Variants in LONP2 observed in about 807,000 individuals in gnomAD.
LONP2 encodes the protein lon peptidase 2, peroxisomal.
Under a neutral mutation model 85.6 loss-of-function variants are expected in LONP2, and 60 were observed. The ratio of observed to expected loss-of-function variants is 0.70; its 90% CI spans 0.57 to 0.87. The LOEUF (loss-of-function observed/expected upper bound fraction) is 0.87, where lower values mean the gene tolerates loss of function less well. Ranked by LOEUF, LONP2 falls within the 40% of genes least tolerant of loss-of-function variation. The probability of loss-of-function intolerance (pLI) is 0.00; values close to 1 mark genes in which losing one functional copy is unlikely to be tolerated. For synonymous variants in LONP2, 395 were observed against 389.7 expected (o/e 1.01, Z -0.16); for missense variants, 860 against 1,063.5 (o/e 0.81, Z 2.66).
At position 48,354,090 on chromosome 16, in the gene LONP2, G is replaced by C; in HGVS notation, c.*2288G>C. The C allele has an allele frequency of 8.1e-6, 1 of 124,146 alleles. No individual in the cohort carries two copies. Among genetic ancestry groups the C allele is most frequent in the East Asian group, 2.3e-4 (1 of 4,338 alleles). 7.7% of individuals were successfully genotyped at this position (124,146 alleles called of 1,614,324 possible). A position where few individuals can be genotyped will look rare whatever the true frequency, so the allele number is the denominator to read the frequency against. On this transcript the variant is annotated 3_prime_UTR_variant, in exon 15 of 15. Transcript: ENST00000285737. ...GGGTTTTTTTTTTTTGGGGGGGGTG[G>C]GGGGTTAGGGGTGGGGCGGGTGGGG...
intron 1 of LONP2, among the ~76,000 whole-genome samples, chr16:48,249,989 C>T (rs187590264): frequency 5.3e-5 from 8 of 151,904 alleles, no homozygotes; most frequent in Non-Finnish European, 7.4e-5. Flanking sequence ...GTCAGGAGTT[C>T]GAGACCAGCC....
Position 48,258,644 on chromosome 16 carries a change from G to C in LONP2, c.627G>C (p.Glu209Asp). 1 of 1,604,332 alleles carries C rather than the reference G, an allele frequency of 6.2e-7. No homozygotes were observed. The highest frequency in any genetic ancestry group is 8.5e-7 in the Non-Finnish European group (1 of 1,176,120). Reference sequence around the variant, plus strand: ...TTTTAGATGCTGTGAGCCTAGAGGAGCGGTTCAAGATGACTATACCACTGC... The same window carrying C: ...TTTTAGATGCTGTGAGCCTAGAGGACCGGTTCAAGATGACTATACCACTGC... Reference protein sequence around the residue: ...LQILDAVSLEERFKMTIPLLV... With the variant: ...LQILDAVSLEDRFKMTIPLLV... The change falls in exon 4 of 15, where the codon GAG becomes GAC. Residue 209 changes from glutamate to aspartate, a missense_variant. This residue lies in a region of LONP2 where 743 missense variants were observed against 917.3 expected (regional missense o/e 0.81). Coordinates refer to ENST00000285737, the MANE Select transcript of LONP2 (RefSeq NM_031490.5).
intron 1 of LONP2, among the ~76,000 whole-genome samples, chr16:48,247,845 G>T (rs995901467): frequency 2.0e-5 from 3 of 152,114 alleles, no homozygotes; most frequent in African/African-American, 7.2e-5. Context: ...TCACCAGGCT[G>T]GTGTCAAACT....
chr16:48,288,896 T>A (rs1438715445), intron 8 of LONP2, among the ~76,000 whole-genome samples: 1 of 152,206 alleles, frequency 6.6e-6, no homozygotes. Flanking sequence ...ACATAATATA[T>A]ATGTACCAGT....
rs763453213 is a variant in LONP2, at chr16:48,348,401, ATATAT to A, written c.2337+118_2337+122del. On this transcript the variant is annotated intron_variant, in intron 14 of 14. Transcript: ENST00000285737. ...TTCTATGAAAACCTTGGTTTTAAGT[ATATAT>A]TATATTTTTATGCCTGTAACTAATT... The A allele has an allele frequency of 5.0e-4, 287 of 577,056 alleles. 1 individual carries two copies. Among genetic ancestry groups the A allele is most frequent in the Middle Eastern group, 3.2e-3 (6 of 1,874 alleles). 35.7% of individuals were successfully genotyped at this position (577,056 alleles called of 1,614,324 possible).
intron 11 of LONP2, among the ~76,000 whole-genome samples, chr16:48,331,498 T>C (rs1273847783): frequency 5.9e-5 from 9 of 152,134 alleles, no homozygotes; most frequent in Admixed American, 5.9e-4. Flanking sequence ...ATTATGAGAA[T>C]ATATATAACT....
Position 48,362,446 on chromosome 16 carries a change from A to G in LONP2, c.*583A>G. 6.2e-7 allele frequency: 1 copy of G among 1,611,952 alleles called. No individual in the cohort carries two copies. The highest frequency in any genetic ancestry group is 8.5e-7 in the Non-Finnish European group (1 of 1,178,426). On this transcript the variant is annotated 3_prime_UTR_variant, in exon 5 of 5. Transcript: ENST00000565867. This position sits in a 1 kb window ranked among gnomAD's most constrained non-coding sequence, Gnocchi z 4.2. ...CGGCTCATTTCTGAAATAAATACAT[A>G]AGGAGGCAGGAGAAAAATAATTATA...
At chr16:48,339,105 T>C (rs924273030) in intron 12 of LONP2, among the ~76,000 whole-genome samples, 6 of 152,028 alleles carry the variant, frequency 3.9e-5, no homozygotes, top group African/African-American at 1.5e-4. Flanking sequence ...AAGCAGGTAG[T>C]CTAGAAGCAA....
intron 10 of LONP2, among the ~76,000 whole-genome samples, chr16:48,301,501 G>T (rs1242229216): frequency 1.3e-5 from 2 of 152,052 alleles, no homozygotes; most frequent in African/African-American, 4.8e-5. Flanking sequence ...CGGGCGTGGT[G>T]GTGTGTGCCT....
chr16:48,287,004 C>T (rs1477143163), intron 8 of LONP2, among the ~76,000 whole-genome samples: 1 of 152,100 alleles, frequency 6.6e-6, no homozygotes, highest in Non-Finnish European at 1.5e-5. Flanking sequence ...TGGTTTCATT[C>T]TGTAAAGTCT....
chr16:48,340,481 A>AT (rs1337512861), intron 12 of LONP2, among the ~76,000 whole-genome samples: 3 of 152,204 alleles, frequency 2.0e-5, no homozygotes, highest in African/African-American at 4.8e-5. Context: ...ACCACTTACT[A>AT]TTTTTTTACT....
At chr16:48,283,457 A>C (rs1487761352) in intron 8 of LONP2, among the ~76,000 whole-genome samples, 1 of 152,178 alleles carries the variant, frequency 6.6e-6, no homozygotes, top group Non-Finnish European at 1.5e-5. Flanking sequence ...TGGTGACTTT[A>C]AGATGAAGCC....
rs368507795 is a variant in LONP2 at position 48,321,090 on chromosome 16, GCTCAGGCTGTT to G, written c.1796-13121_1796-13111del. Among the ~76,000 whole-genome samples the G allele has an allele frequency of 1.4e-3, 210 of 152,186 alleles. 1 individual carries two copies. The highest frequency in any genetic ancestry group is 4.9e-3 in the African/African-American group (205 of 41,526). On this transcript the variant is annotated intron_variant, in intron 11 of 14. Transcript: ENST00000285737. ...CTGGGACCACAGGTTTTGCCATGTT[GCTCAGGCTGTT>G]CTCAAACTCCTGAGCTCAAGAAATC...
chr16:48,281,929 G>A (rs1411959782), intron 8 of LONP2, among the ~76,000 whole-genome samples: 1 of 152,116 alleles, frequency 6.6e-6, no homozygotes, highest in East Asian at 1.9e-4. Context: ...CCAGCTTCAT[G>A]CTCTTAAGGA....
At chr16:48,275,332 G>A (rs16946050) in intron 7 of LONP2, among the ~76,000 whole-genome samples, 1,857 of 152,240 alleles carry the variant, frequency 0.012, 40 homozygotes, top group African/African-American at 0.042. Context: ...GAGTGCTGAT[G>A]GAAAGATGCT....
At chr16:48,301,971 C>T (rs1287433646) in intron 10 of LONP2, among the ~76,000 whole-genome samples, 1 of 152,184 alleles carries the variant, frequency 6.6e-6, no homozygotes, top group Non-Finnish European at 1.5e-5. Context: ...ATCAATGTGT[C>T]TTTTAAAATT....
chr16:48,280,710 A>G (rs192732519), intron 8 of LONP2, among the ~76,000 whole-genome samples: 1 of 151,532 alleles, frequency 6.6e-6, no homozygotes, highest in Admixed American at 6.6e-5. Context: ...AAATGAAGCA[A>G]GACATACATA....
intron 8 of LONP2, among the ~76,000 whole-genome samples, chr16:48,278,681 C>T (rs941220126): frequency 6.6e-6 from 1 of 152,190 alleles, no homozygotes; most frequent in Non-Finnish European, 1.5e-5. Context: ...CTGCTTTACC[C>T]TGAAAACTTT....
intron 11 of LONP2, among the ~76,000 whole-genome samples, chr16:48,329,720 T>C (rs1265255028): frequency 6.6e-6 from 1 of 152,204 alleles, no homozygotes; most frequent in Non-Finnish European, 1.5e-5. Flanking sequence ...TGAAATGTTA[T>C]ATCCTCCCCT....
Sources: allele counts gnomAD v4.1 joint callset (sites outside exome capture counted in the v4.1 genomes callset), GRCh38; gene constraint gnomAD v4.1.1; regional missense constraint gnomAD v4.1.1; non-coding constraint Gnocchi (gnomAD v3.1); transcripts MANE v1.5; gene names NCBI Gene and HGNC (gene_info 2026-07-23, HGNC 2026-07-21).